The following CADM2 variants were observed in gnomAD, a reference collection of about 807,000 sequenced individuals.
CADM2 encodes immunoglobulin superfamily member 4D.
CADM2 carries 12 observed loss-of-function variants against 49.8 expected under a neutral mutation model. That is an observed-to-expected ratio of 0.24 (90% CI 0.15 to 0.39). CADM2 has a LOEUF of 0.39. Ranked by LOEUF, CADM2 falls within the 10% of genes least tolerant of loss-of-function variation. CADM2 has a pLI of 1.00. For synonymous variants in CADM2, 214 were observed against 175.4 expected (o/e 1.22, Z -1.74); for missense variants, 378 against 492.3 (o/e 0.77, Z 2.20).
intron 2 of CADM2, among the ~76,000 whole-genome samples, chr3:85,769,803 A>G (rs1250694175): frequency 6.6e-6 from 1 of 151,432 alleles, no homozygotes; most frequent in African/African-American, 2.4e-5. Context: ...ACCTATAAGT[A>G]GAAAATATAG....
At position 85,823,672 on chromosome 3, in the gene CADM2, C is replaced by T. The variant is rs140417252; in HGVS notation, c.238+21476C>T. On this transcript the variant is annotated intron_variant, in intron 3 of 9. Transcript: ENST00000383699. ...AATATTATCACAGACATTTAATTTA[C>T]GAGAGCTATTAATTTGCATTGTACA... Among the ~76,000 whole-genome samples, 326 of 152,148 alleles carry T rather than the reference C, an allele frequency of 2.1e-3. 2 individuals carry two copies. Among genetic ancestry groups the T allele is most frequent in the African/African-American group, 7.0e-3 (292 of 41,508 alleles).
In CADM2 at chr3:85,552,843, A is replaced by T. The variant is rs180725225; in HGVS notation, c.62-173679A>T. Among the ~76,000 whole-genome samples, 699 of 151,088 alleles carry T rather than the reference A, an allele frequency of 4.6e-3. 7 individuals are homozygous for T. Among genetic ancestry groups the T allele is most frequent in the African/African-American group, 0.016 (654 of 41,034 alleles). On this transcript the variant is annotated intron_variant, in intron 1 of 9. Transcript: ENST00000383699. ...AGGCGTGTGCCACCACGCCCAGCAAATTTTTTGTATTTTTAGTAGAGACAA... is the reference window on the plus strand; with the variant it reads ...AGGCGTGTGCCACCACGCCCAGCAATTTTTTTGTATTTTTAGTAGAGACAA...
chr3:84,960,139 G>A (rs992889842), intron 1 of CADM2: 3 of 172,324 alleles, frequency 1.7e-5, no homozygotes, highest in African/African-American at 4.8e-5. Context: ...CATCATATCC[G>A]TGTGTCTTTA....
intron 2 of CADM2, among the ~76,000 whole-genome samples, chr3:85,768,532 A>G (rs1227358654): frequency 6.7e-6 from 1 of 149,326 alleles, no homozygotes. Context: ...AAATAATATG[A>G]ACAAAACTTC....
At chr3:85,449,249 A>G (rs2037636932) in intron 1 of CADM2, among the ~76,000 whole-genome samples, 1 of 151,774 alleles carries the variant, frequency 6.6e-6, no homozygotes, top group Admixed American at 6.6e-5. Context: ...AAAGCATTAT[A>G]GAATTTCATG....
chr3:85,797,277 T>C (rs1356052053), intron 2 of CADM2, among the ~76,000 whole-genome samples: 6 of 152,146 alleles, frequency 3.9e-5, no homozygotes, highest in African/African-American at 1.4e-4. Flanking sequence ...TTTTTTTAAC[T>C]TCAAGTTCTG....
chr3:85,765,720 T>G (rs2069623901), intron 2 of CADM2, among the ~76,000 whole-genome samples: 1 of 152,090 alleles, frequency 6.6e-6, no homozygotes, highest in African/African-American at 2.4e-5. Context: ...TTTACTTGAT[T>G]TTTTCATTTC....
chr3:85,326,772 T>C (rs1455435918), intron 1 of CADM2, among the ~76,000 whole-genome samples: 1 of 152,150 alleles, frequency 6.6e-6, no homozygotes, highest in Non-Finnish European at 1.5e-5. Flanking sequence ...CCTGGGAAAC[T>C]TAAACACTGA....
At chr3:85,164,574 A>G (rs369665547) in intron 1 of CADM2, among the ~76,000 whole-genome samples, 1 of 152,030 alleles carries the variant, frequency 6.6e-6, no homozygotes, top group African/African-American at 2.4e-5. Flanking sequence ...GTTTCCTCCA[A>G]TTCCTAACAG....
At chr3:85,385,963 A>G (rs900742854) in intron 1 of CADM2, among the ~76,000 whole-genome samples, 1 of 152,168 alleles carries the variant, frequency 6.6e-6, no homozygotes, top group Middle Eastern at 3.2e-3. Flanking sequence ...ATAAATGAAG[A>G]CATTCTAATT....
At chr3:85,211,173 TTCTC>T (rs748292679) in intron 1 of CADM2, among the ~76,000 whole-genome samples, 6 of 150,726 alleles carry the variant, frequency 4.0e-5, no homozygotes, top group African/African-American at 1.2e-4. Flanking sequence ...TTTGCATCTT[TTCTC>T]TCTCTCTCTC....
At chr3:85,592,047 A>C (rs886366328) in intron 1 of CADM2, among the ~76,000 whole-genome samples, 3 of 152,032 alleles carry the variant, frequency 2.0e-5, no homozygotes, top group African/African-American at 7.2e-5. Flanking sequence ...TTTTCAAATA[A>C]ATATTATTTA....
chr3:85,297,698 T>A (rs2043999757), intron 1 of CADM2, among the ~76,000 whole-genome samples: 1 of 152,064 alleles, frequency 6.6e-6, no homozygotes, highest in African/African-American at 2.4e-5. Flanking sequence ...AGCCTGCTTT[T>A]CTCAGGATTC....
chr3:85,448,123 A>G (rs527540326), intron 1 of CADM2, among the ~76,000 whole-genome samples: 55 of 152,170 alleles, frequency 3.6e-4, no homozygotes, highest in Non-Finnish European at 6.0e-4. Flanking sequence ...CGAGGTCAGC[A>G]GATCAAAACC....
chr3:85,031,920 G>T (rs1450315352), intron 1 of CADM2, among the ~76,000 whole-genome samples: 2 of 152,044 alleles, frequency 1.3e-5, no homozygotes, highest in Non-Finnish European at 2.9e-5. Context: ...TCCAGTATAG[G>T]AATTTTTTCA....
chr3:85,139,059 G>A (rs892761629), intron 1 of CADM2, among the ~76,000 whole-genome samples: 12 of 152,094 alleles, frequency 7.9e-5, no homozygotes, highest in African/African-American at 2.9e-4. Context: ...GTGAGTGCAG[G>A]TTGGGCAGTT....
At chr3:85,591,004 T>C (rs1442266607) in intron 1 of CADM2, among the ~76,000 whole-genome samples, 1 of 151,938 alleles carries the variant, frequency 6.6e-6, no homozygotes, top group Non-Finnish European at 1.5e-5. Context: ...AGAATAATTC[T>C]GGTTTGCAGT....
At position 85,218,157 on chromosome 3, in the gene CADM2, T is replaced by A. The variant is rs922562142; in HGVS notation, c.61+258489T>A. On this transcript the variant is annotated intron_variant, in intron 1 of 9. Transcript: ENST00000383699. ...TTGTGTAAAATACAGAGTCTTTTTT[T>A]AAAAAAAATTATAAAAGTGGAAATT... Among the ~76,000 whole-genome samples, 16 of 152,130 alleles carry A rather than the reference T, an allele frequency of 1.1e-4. No homozygotes were observed. In the East Asian group the frequency reaches 1.2e-3, roughly 11 times the overall value.
chr3:85,329,392 G>GAC (rs145193562), intron 1 of CADM2, among the ~76,000 whole-genome samples: 39,026 of 146,112 alleles, frequency 0.27, 5,680 homozygotes, highest in East Asian at 0.39. Context: ...CACACACACA[G>GAC]ACACACACAC....
Sources: allele counts gnomAD v4.1 joint callset (sites outside exome capture counted in the v4.1 genomes callset), GRCh38; gene constraint gnomAD v4.1.1; transcripts MANE v1.5; gene names NCBI Gene and HGNC (gene_info 2026-07-23, HGNC 2026-07-21).